The following KLHL6 variants were observed in gnomAD, a reference collection of about 807,000 sequenced individuals.
KLHL6 encodes the protein kelch like family member 6.
Under a neutral mutation model 58.6 loss-of-function variants are expected in KLHL6, and 41 were observed. The observed-to-expected ratio is 0.70, with a 90% CI of 0.55 to 0.91. KLHL6 has a LOEUF of 0.91. KLHL6 is among the 40% of genes least tolerant of loss of function. The probability of loss-of-function intolerance (pLI) is 0.00; values close to 1 mark genes in which losing one functional copy is unlikely to be tolerated. For missense variants in KLHL6, 714 were observed against 805.6 expected, an observed-to-expected ratio of 0.89 and a Z score of 1.38; for synonymous variants, 338 against 322.7, an observed-to-expected ratio of 1.05 and a Z score of -0.51.
At chr3:183,495,521 G>A (rs1717690820) in intron 4 of KLHL6, among the ~76,000 whole-genome samples, 11 of 150,564 alleles carry the variant, frequency 7.3e-5, no homozygotes, top group Admixed American at 5.3e-4. Context: ...TAAAATAAAT[G>A]TAAATTTTCA....
chr3:183,545,334 C>G (rs574848600), intron 1 of KLHL6, among the ~76,000 whole-genome samples: 3 of 152,304 alleles, frequency 2.0e-5, no homozygotes, highest in Non-Finnish European at 4.4e-5. Flanking sequence ...CAGCTCTTTT[C>G]GTGGACTGTT....
At position 183,490,742 on chromosome 3, in the gene KLHL6, T is replaced by TGACAGAGAGAG. The variant is rs1717523365; in HGVS notation, c.*1184_*1185insCTCTCTCTGTC. On this transcript the variant is annotated 3_prime_UTR_variant, in exon 7 of 7. Coordinates refer to ENST00000341319, the MANE Select transcript of KLHL6 (RefSeq NM_130446.4). ...ATCACTTGAACCAGGGTGACAGAGGTTGCAGTGAGCCGAGATCATGCCACT... is the reference window on the plus strand; with the variant it reads ...ATCACTTGAACCAGGGTGACAGAGGTGACAGAGAGAGTGCAGTGAGCCGAGATCATGCCACT... The TGACAGAGAGAG allele has an allele frequency of 6.6e-6, 1 of 151,184 alleles. No individual in the cohort carries two copies. Among genetic ancestry groups the TGACAGAGAGAG allele is most frequent in the Admixed American group, 6.6e-5 (1 of 15,200 alleles). 9.4% of individuals were successfully genotyped at this position (151,184 alleles called of 1,614,324 possible).
chr3:183,501,606 A>G (rs1216105526), intron 3 of KLHL6, among the ~76,000 whole-genome samples: 1 of 152,018 alleles, frequency 6.6e-6, no homozygotes, highest in Non-Finnish European at 1.5e-5. Flanking sequence ...CCGTGATCTT[A>G]CCTCCTGACC....
At chr3:183,529,323 GA>G (rs994348820) in intron 1 of KLHL6, among the ~76,000 whole-genome samples, 3 of 151,488 alleles carry the variant, frequency 2.0e-5, no homozygotes, top group South Asian at 2.1e-4. Flanking sequence ...GAGATATAGA[GA>G]TTTTTTTTTT....
chr3:183,527,284 T>C (rs547212398), intron 2 of KLHL6, among the ~76,000 whole-genome samples: 2 of 152,318 alleles, frequency 1.3e-5, no homozygotes, highest in South Asian at 2.1e-4. Context: ...TTTTAAACTT[T>C]TGTACATTAA....
At chr3:183,517,379 C>T (rs186608985) in intron 2 of KLHL6, among the ~76,000 whole-genome samples, 10 of 152,308 alleles carry the variant, frequency 6.6e-5, no homozygotes, top group Admixed American at 3.9e-4. Flanking sequence ...TCCCCTCTCC[C>T]GGGCGATGCT....
At chr3:183,529,488 C>T (rs763647367) in intron 1 of KLHL6, among the ~76,000 whole-genome samples, 3 of 151,946 alleles carry the variant, frequency 2.0e-5, no homozygotes, top group Non-Finnish European at 4.4e-5. Context: ...GAAAACATTT[C>T]TGGAATTTTG....
At chr3:183,547,525 C>T (rs1200012511) in intron 1 of KLHL6, among the ~76,000 whole-genome samples, 2 of 152,144 alleles carry the variant, frequency 1.3e-5, no homozygotes, top group Admixed American at 6.5e-5. Flanking sequence ...ATTTTTCCTA[C>T]GGTGCTCCAT....
rs959824950 is a variant in KLHL6 at position 183,499,664 on chromosome 3, T to C, written c.1073A>G (p.His358Arg). ...LEVAKLPLTEHELESENKKWV... is the reference protein window; with the variant it reads ...LEVAKLPLTERELESENKKWV... Reference sequence around the variant, plus strand: ...CTTCTTATTCTCACTCTCCAGCTCATGCTCTGTTAGCGGGAGCTTGGCCAC... The same window carrying C: ...CTTCTTATTCTCACTCTCCAGCTCACGCTCTGTTAGCGGGAGCTTGGCCAC... Residue 358 changes from histidine (H) to arginine (R), a missense_variant, in exon 4 of 7, where the codon CAT becomes CGT. Physicochemically the swap from His to Arg is conservative, Grantham distance 29. Coordinates refer to ENST00000341319, the MANE Select transcript of KLHL6 (RefSeq NM_130446.4). The surrounding 1 kb of genome is among the most constrained non-coding windows in gnomAD (Gnocchi z 4.6). 2 of 1,611,734 alleles carry C rather than the reference T, an allele frequency of 1.2e-6. No individual in the cohort carries two copies. Among genetic ancestry groups the C allele is most frequent in the Admixed American group, 1.7e-5 (1 of 59,464 alleles).
intron 1 of KLHL6, among the ~76,000 whole-genome samples, chr3:183,531,746 CCATCTTT>C: frequency 6.6e-6 from 1 of 152,238 alleles, no homozygotes; most frequent in South Asian, 2.1e-4. Flanking sequence ...GTGCCCAGCC[CCATCTTT>C]CATATTTCTC....
intron 1 of KLHL6, among the ~76,000 whole-genome samples, chr3:183,538,994 C>A (rs1359249877): frequency 1.3e-5 from 2 of 152,172 alleles, no homozygotes; most frequent in Admixed American, 6.5e-5. Flanking sequence ...GAATCCTGTA[C>A]CCCACCTACC....
At chr3:183,552,554 T>A (rs2108702431) in intron 1 of KLHL6, among the ~76,000 whole-genome samples, 1 of 151,484 alleles carries the variant, frequency 6.6e-6, no homozygotes, top group Admixed American at 6.6e-5. Context: ...CCGTCTCTAC[T>A]AAAAATACAA....
chr3:183,544,056 G>A (rs576510145), intron 1 of KLHL6, among the ~76,000 whole-genome samples: 6 of 151,906 alleles, frequency 3.9e-5, no homozygotes, highest in East Asian at 1.9e-4. Context: ...CCAGCTACTC[G>A]GGCGGCTGAG....
In KLHL6 at chr3:183,492,822, A is replaced by G. The variant is rs1717610464; in HGVS notation, c.1351-115T>C. ...ACACAGAACTGGGCATCTTTTGCCT[A>G]TAGTCACAAGGCCCATGGGCTTGAC... On this transcript the variant is annotated intron_variant, in intron 5 of 6. Transcript: ENST00000341319. This position sits in a 1 kb window ranked among gnomAD's most constrained non-coding sequence, Gnocchi z 5.9. 2 of 920,922 alleles carry G rather than the reference A, an allele frequency of 2.2e-6. No individual in the cohort carries two copies. The highest frequency in any genetic ancestry group is 2.3e-5 in the Admixed American group (1 of 43,762). The allele number at this position is 920,922 out of a possible 1,614,324, so 57.0% of individuals were successfully genotyped here. A position where few individuals can be genotyped will look rare whatever the true frequency, so the allele number is the denominator to read the frequency against.
chr3:183,542,589 T>C (rs1019860739), intron 1 of KLHL6, among the ~76,000 whole-genome samples: 1 of 152,134 alleles, frequency 6.6e-6, no homozygotes, highest in African/African-American at 2.4e-5. Flanking sequence ...CTTTCTTCCG[T>C]CTGATTTAAT....
At chr3:183,525,084 T>A (rs1487769127) in intron 2 of KLHL6, among the ~76,000 whole-genome samples, 2 of 151,906 alleles carry the variant, frequency 1.3e-5, no homozygotes, top group Admixed American at 1.3e-4. Flanking sequence ...ACCAACATGG[T>A]GAAACCCCGT....
chr3:183,554,707 G>A (rs1031441410), intron 1 of KLHL6, among the ~76,000 whole-genome samples: 4 of 152,188 alleles, frequency 2.6e-5, no homozygotes, highest in African/African-American at 7.2e-5. Flanking sequence ...ACAACATTAT[G>A]TTTCCAACAC....
chr3:183,529,802 A>G (rs1712099493), intron 1 of KLHL6, among the ~76,000 whole-genome samples: 2 of 152,142 alleles, frequency 1.3e-5, no homozygotes, highest in Admixed American at 1.3e-4. Flanking sequence ...AAAGAAAGAA[A>G]GAAAGGAAAC....
At position 183,534,917 on chromosome 3, in the gene KLHL6, TGTATGCATATATATAC is replaced by T. The variant is rs1712308774; in HGVS notation, c.294-6923_294-6908del. On this transcript the variant is annotated intron_variant, in intron 1 of 6. Transcript: ENST00000341319. ...ATATATGTATGTATGTATGTATATA[TGTATGCATATATATAC>T]ATATATATATATATATATTTTTTTT... Among the ~76,000 whole-genome samples, 15 of 146,740 alleles carry T rather than the reference TGTATGCATATATATAC, an allele frequency of 1.0e-4. No individual in the cohort carries two copies. In the East Asian group the frequency reaches 3.0e-3, roughly 29 times the overall value.
Sources: gnomAD v4.1 joint callset for allele counts (sites outside exome capture counted in the v4.1 genomes callset) on GRCh38, gnomAD v4.1.1 for gene constraint, Gnocchi (gnomAD v3.1) non-coding constraint, MANE v1.5 for transcripts, NCBI Gene and HGNC (gene_info 2026-07-23, HGNC 2026-07-21) for gene names.